MAN1A1: variants seen among roughly 807,000 people sequenced by gnomAD.
The protein encoded by MAN1A1 is mannosidase alpha class 1A member 1.
In MAN1A1, 29 loss-of-function variants were observed where a neutral mutation model predicts 70.8. The observed-to-expected ratio is 0.41, with a 90% CI of 0.31 to 0.56. The LOEUF (loss-of-function observed/expected upper bound fraction) is 0.56, where lower values mean the gene tolerates loss of function less well. Among genes scored for constraint, MAN1A1 ranks in the 20% least tolerant of loss-of-function variants. The pLI is 0.29. For synonymous variants in MAN1A1, 349 were observed against 330.1 expected (o/e 1.06, Z -0.62); for missense variants, 747 against 841.3 (o/e 0.89, Z 1.39).
intron 8 of MAN1A1, among the ~76,000 whole-genome samples, chr6:119,194,826 C>T (rs965681867): frequency 4.0e-4 from 52 of 129,632 alleles, no homozygotes; most frequent in Non-Finnish European, 7.4e-4. Context: ...GGATAGGTAT[C>T]TTCATTTTTT....
intron 2 of MAN1A1, among the ~76,000 whole-genome samples, chr6:119,320,012 T>C (rs1562241065): frequency 6.6e-6 from 1 of 152,072 alleles, no homozygotes; most frequent in Non-Finnish European, 1.5e-5. Context: ...TCTTGCTGTG[T>C]CCCCAGGGTG....
At chr6:119,310,384 G>A (rs140563605) in intron 2 of MAN1A1, among the ~76,000 whole-genome samples, 50 of 152,262 alleles carry the variant, frequency 3.3e-4, no homozygotes, top group African/African-American at 1.1e-3. Context: ...CTATTTCACT[G>A]AAGCCTACAA....
rs1773865187 is a variant in MAN1A1 at position 119,206,522 on chromosome 6, TAAGAAA to T, written c.993-1646_993-1641del. Among the ~76,000 whole-genome samples, 4 of 152,222 alleles carry T rather than the reference TAAGAAA, an allele frequency of 2.6e-5. No individual in the cohort carries two copies. In the South Asian group the frequency reaches 8.3e-4, roughly 32 times the overall value. On this transcript the variant is annotated intron_variant, in intron 6 of 12. Transcript: ENST00000368468. Reference sequence around the variant, plus strand: ...CCAAAACACTGATATACAGTACATCTAAGAAAAAGTAAAGAGAAATAAGACACAGAG... The same window carrying T: ...CCAAAACACTGATATACAGTACATCTAAGTAAAGAGAAATAAGACACAGAG...
intron 7 of MAN1A1, among the ~76,000 whole-genome samples, chr6:119,201,900 C>T (rs1360265941): frequency 6.6e-6 from 1 of 151,980 alleles, no homozygotes; most frequent in Admixed American, 6.6e-5. Flanking sequence ...ATACAGGGCA[C>T]TTTGTATAGG....
intron 5 of MAN1A1, among the ~76,000 whole-genome samples, chr6:119,276,742 G>C (rs1340351349): frequency 1.3e-5 from 2 of 152,154 alleles, no homozygotes; most frequent in Non-Finnish European, 2.9e-5. Flanking sequence ...AAACACATAA[G>C]TTAGCAGTAA....
intron 7 of MAN1A1, among the ~76,000 whole-genome samples, chr6:119,202,078 C>CAAT (rs1005370792): frequency 1.3e-5 from 2 of 152,002 alleles, no homozygotes; most frequent in Non-Finnish European, 2.9e-5. Context: ...ATTTTTCTTT[C>CAAT]AATAATAAAT....
intron 5 of MAN1A1, among the ~76,000 whole-genome samples, chr6:119,256,747 C>G (rs919582870): frequency 1.3e-5 from 2 of 152,116 alleles, no homozygotes; most frequent in Admixed American, 6.5e-5. Flanking sequence ...CCAATTTTCT[C>G]TTTTGTAAAA....
chr6:119,276,694 A>G (rs1776075689), intron 5 of MAN1A1, among the ~76,000 whole-genome samples: 1 of 152,230 alleles, frequency 6.6e-6, no homozygotes. Context: ...GGAAGTCACT[A>G]TTTAATAATC....
intron 2 of MAN1A1, among the ~76,000 whole-genome samples, chr6:119,320,261 T>C (rs955731865): frequency 1.3e-5 from 2 of 152,190 alleles, no homozygotes; most frequent in African/African-American, 4.8e-5. Context: ...CATGAGCCAC[T>C]GTGCCCGGCC....
intron 6 of MAN1A1, among the ~76,000 whole-genome samples, chr6:119,243,908 A>T (rs1775081395): frequency 6.6e-6 from 1 of 152,066 alleles, no homozygotes; most frequent in Non-Finnish European, 1.5e-5. Flanking sequence ...AAAAGCACAC[A>T]CTGTAGACAG....
chr6:119,300,036 A>G (rs1284623881), intron 4 of MAN1A1, among the ~76,000 whole-genome samples: 1 of 152,190 alleles, frequency 6.6e-6, no homozygotes, highest in Non-Finnish European at 1.5e-5. Flanking sequence ...ATTCAGTAAG[A>G]AACTTGGACA....
intron 2 of MAN1A1, among the ~76,000 whole-genome samples, chr6:119,308,436 G>A (rs553708384): frequency 2.0e-5 from 3 of 152,184 alleles, no homozygotes; most frequent in African/African-American, 4.8e-5. Flanking sequence ...AGGGTCACAT[G>A]ACTTGATTTA....
chr6:119,349,317 A>G (rs1773838294), intron 1 of MAN1A1, 30 bp from the exon 2 acceptor site: 1 of 1,179,528 alleles, frequency 8.5e-7, no homozygotes, highest in Admixed American at 4.5e-5. Flanking sequence ...AAAACGTAGT[A>G]ATTACGGCGA....
intron 2 of MAN1A1, among the ~76,000 whole-genome samples, chr6:119,328,185 CAAG>C (rs1773205313): frequency 6.6e-6 from 1 of 152,198 alleles, no homozygotes; most frequent in Non-Finnish European, 1.5e-5. Flanking sequence ...ACAACATGCC[CAAG>C]AAGAACAGTA....
chr6:119,344,228 C>G (rs886614249), intron 2 of MAN1A1, among the ~76,000 whole-genome samples: 48 of 152,178 alleles, frequency 3.2e-4, no homozygotes, highest in African/African-American at 1.1e-3. Flanking sequence ...ACATAAGAAG[C>G]TCCTTTATAT....
intron 5 of MAN1A1, among the ~76,000 whole-genome samples, chr6:119,284,012 C>G (rs1286874174): frequency 6.6e-6 from 1 of 152,082 alleles, no homozygotes; most frequent in Non-Finnish European, 1.5e-5. Context: ...ATAACAAAAC[C>G]GACCAACCAG....
intron 2 of MAN1A1, among the ~76,000 whole-genome samples, chr6:119,321,617 A>ATTTTT (rs386359347): frequency 1.5e-5 from 2 of 133,302 alleles, no homozygotes; most frequent in African/African-American, 2.9e-5. Flanking sequence ...ATGGCCTGCA[A>ATTTTT]TTTTTTTTTT....
intron 2 of MAN1A1, among the ~76,000 whole-genome samples, chr6:119,321,462 C>T (rs1453190725): frequency 1.3e-5 from 2 of 152,052 alleles, no homozygotes; most frequent in African/African-American, 4.8e-5. Context: ...TCTACAGGAT[C>T]CTCTGTCAGG....
At chr6:119,216,017 A>C (rs530262096) in intron 6 of MAN1A1, among the ~76,000 whole-genome samples, 27 of 152,254 alleles carry the variant, frequency 1.8e-4, no homozygotes, top group Non-Finnish European at 3.2e-4. Context: ...CAAGTGTCCT[A>C]AGTTAGGCAT....
Sources: allele counts gnomAD v4.1 joint callset (sites outside exome capture counted in the v4.1 genomes callset), GRCh38; gene constraint gnomAD v4.1.1; transcripts MANE v1.5; gene names NCBI Gene and HGNC (gene_info 2026-07-23, HGNC 2026-07-21).